The following TLE6 variants were observed in gnomAD, a reference collection of about 807,000 sequenced individuals.
The protein encoded by TLE6 is transducin-like enhancer protein 6.
Under a neutral mutation model 77.1 loss-of-function variants are expected in TLE6, and 72 were observed. The ratio of observed to expected loss-of-function variants is 0.93; its 90% CI spans 0.77 to 1.14. The LOEUF is 1.14. TLE6 is among the 50% of genes most tolerant of loss of function. The pLI is 0.00. For missense variants in TLE6, 843 were observed against 747.6 expected, an observed-to-expected ratio of 1.13 and a Z score of -1.49; for synonymous variants, 366 against 287.3, an observed-to-expected ratio of 1.27 and a Z score of -2.77.
In TLE6 at chr19:2,978,131, T is replaced by C. The variant is rs559109664; in HGVS notation, c.-36-67T>C. On this transcript the variant is annotated intron_variant, in intron 1 of 16. Transcript: ENST00000246112. The stretch of plus-strand genomic sequence containing the variant: ...TGGGAGGTGCGGGTGGGGTAACGGG[T>C]GCCTTGCTTCCCTGGCACTGCCTTA... The C allele has an allele frequency of 4.0e-4, 497 of 1,240,218 alleles. 1 individual carries two copies. Among genetic ancestry groups the C allele is most frequent in the Non-Finnish European group, 4.6e-4 (396 of 869,214 alleles). The allele number at this position is 1,240,218 out of a possible 1,614,324, so 76.8% of individuals were successfully genotyped here.
intron 13 of TLE6, among the ~76,000 whole-genome samples, chr19:2,991,192 T>C (rs1244955635): frequency 6.7e-6 from 1 of 149,976 alleles, no homozygotes; most frequent in African/African-American, 2.5e-5. Context: ...ATACCCCATC[T>C]CTACTAAAAA....
intron 4 of TLE6, 51 bp downstream of exon 4, chr19:2,981,634 C>T (rs2088799909): frequency 6.5e-7 from 1 of 1,537,322 alleles, no homozygotes; most frequent in African/African-American, 1.4e-5. Flanking sequence ...CTGGGACAAG[C>T]TGAGGCCCTG....
At position 2,993,504 on chromosome 19, in the gene TLE6, C is replaced by T; in HGVS notation, c.1459C>T (p.Gln487Ter). The T allele has an allele frequency of 6.3e-7, 1 of 1,597,686 alleles. No homozygotes were observed. The highest frequency in any genetic ancestry group is 8.6e-7 in the Non-Finnish European group (1 of 1,167,854). Residue 487 changes from glutamine to a stop codon, truncating the protein, a stop_gained, in exon 15 of 17, where the codon CAA becomes TAA. Transcript: ENST00000246112. LOFTEE classifies it high-confidence loss of function. ...LGMANGQQWL[Q>*]STSGSQRHMV... The stretch of plus-strand genomic sequence containing the variant: ...CATGGCCAATGGCCAGCAGTGGCTG[C>T]AAAGCACCAGCGGGAGCCAGCGGCA...
At chr19:2,985,067 A>G (rs1051621492) in intron 5 of TLE6, among the ~76,000 whole-genome samples, 2 of 151,786 alleles carry the variant, frequency 1.3e-5, no homozygotes, top group African/African-American at 2.4e-5. Flanking sequence ...CCTGGCCAAC[A>G]TGGAGAAACC....
At chr19:2,992,813 G>GGGGGGGGGGGGGGGC (rs2089106820) in intron 14 of TLE6, among the ~76,000 whole-genome samples, 1 of 44,278 alleles carries the variant, frequency 2.3e-5, no homozygotes, top group Admixed American at 1.6e-4. Context: ...GCGGGTGGGG[G>GGGGGGGGGGGGGGGC]GGGGGGAGGA....
In TLE6 at chr19:2,987,723, G is replaced by A; in HGVS notation, c.559-1G>A. The A allele has an allele frequency of 6.2e-7, 1 of 1,614,170 alleles. No homozygotes were observed. The highest frequency in any genetic ancestry group is 8.5e-7 in the Non-Finnish European group (1 of 1,180,022). The stretch of plus-strand genomic sequence containing the variant: ...CCTGATGAGACTTTTCCATTTTCCA[G>A]GGGCAGGAAAGCAAGGCACCAGGAT... On this transcript the variant is annotated splice_acceptor_variant, in intron 8 of 16. Coordinates refer to ENST00000246112, the MANE Select transcript of TLE6 (RefSeq NM_001143986.2). LOFTEE classifies it high-confidence loss of function.
At position 2,993,425 on chromosome 19, in the gene TLE6, T is replaced by C; in HGVS notation, c.1387-7T>C. ...AGGTTCCTCCCTCCCCACTGCCCAT[T>C]ACCTAGATAATGAGCCTGTCCCACA... is the stretch of plus-strand genomic sequence containing the variant. On this transcript the variant is annotated splice_polypyrimidine_tract_variant and splice_region_variant and intron_variant, in intron 14 of 16. Transcript: ENST00000246112. The C allele has an allele frequency of 1.3e-6, 2 of 1,599,226 alleles. No homozygotes were observed. The highest frequency in any genetic ancestry group is 1.1e-5 in the South Asian group (1 of 90,554).
Position 2,995,012 on chromosome 19 carries a change from C to T in TLE6, c.*8C>T, listed in dbSNP as rs370152123. The stretch of plus-strand genomic sequence containing the variant: ...TACCAGATCACCTACTGAGGGGCCT[C>T]GCTGCTGTCATCCCACTCCGGCTCC... On this transcript the variant is annotated 3_prime_UTR_variant, in exon 17 of 17. Transcript: ENST00000246112. The T allele has an allele frequency of 7.3e-5, 115 of 1,576,726 alleles. No individual in the cohort carries two copies. The highest frequency in any genetic ancestry group is 4.3e-4 in the South Asian group (38 of 87,782).
Position 2,989,656 on chromosome 19 carries a change from A to C in TLE6, c.1115A>C (p.Lys372Thr), listed in dbSNP as rs1568216195. Residue 372 changes from lysine (K) to threonine (T), a missense_variant, in exon 13 of 17, where the codon AAG becomes ACG. Coordinates refer to ENST00000246112, the MANE Select transcript of TLE6 (RefSeq NM_001143986.2). ...WDLAAPSLHVKEQLPCAGLNC... is the reference protein window; with the variant it reads ...WDLAAPSLHVTEQLPCAGLNC... Reference sequence around the variant, plus strand: ...CTGGCGGCGCCCTCCCTGCATGTGAAGGAGCAGTTGCCCTGTGCAGGTCTC... The same window carrying C: ...CTGGCGGCGCCCTCCCTGCATGTGACGGAGCAGTTGCCCTGTGCAGGTCTC... The C allele has an allele frequency of 6.2e-7, 1 of 1,614,246 alleles. No homozygotes were observed. The highest frequency in any genetic ancestry group is 1.7e-5 in the Admixed American group (1 of 60,034).
At chr19:2,990,457 A>G (rs2089019487) in intron 13 of TLE6, among the ~76,000 whole-genome samples, 1 of 150,696 alleles carries the variant, frequency 6.6e-6, no homozygotes. Context: ...CAAAAAAATT[A>G]GCCAGGCGCG....
At position 2,989,404 on chromosome 19, in the gene TLE6, G is replaced by A. The variant is rs994226681; in HGVS notation, c.993+91G>A. 33 of 1,582,062 alleles carry A rather than the reference G, an allele frequency of 2.1e-5. No individual in the cohort carries two copies. In the South Asian group the frequency reaches 3.2e-4, roughly 15 times the overall value. ...TGGCAGAGCCCAGATCGTGGAGAGA[G>A]GGCTTCCAGGGAAAAGGGGCATAAT... On this transcript the variant is annotated intron_variant, in intron 12 of 16. Transcript: ENST00000246112.
chr19:2,992,504 C>T lies in TLE6; in HGVS notation c.1386+520C>T, dbSNP rs901818764. Among the ~76,000 whole-genome samples the T allele has an allele frequency of 1.1e-4, 16 of 151,962 alleles. 1 individual carries two copies. Among genetic ancestry groups the T allele is most frequent in the African/African-American group, 3.1e-4 (13 of 41,360 alleles). On this transcript the variant is annotated intron_variant, in intron 14 of 16. Coordinates refer to ENST00000246112, the MANE Select transcript of TLE6 (RefSeq NM_001143986.2). The stretch of plus-strand genomic sequence containing the variant: ...AAATGAGGTTGGCCAGGCACAGTGG[C>T]GTATGCCTGCAATCCCACCACTTTG...
Position 2,989,781 on chromosome 19 carries a change from G to T in TLE6, c.1240G>T (p.Val414Phe), listed in dbSNP as rs780457906. Reference protein sequence around the residue: ...RIWDLRDQSVVRDLKGYPDGV... With the variant: ...RIWDLRDQSVFRDLKGYPDGV... Reference sequence around the variant, plus strand: ...CTGGGACCTGCGGGATCAGAGTGTGGTCAGGTGCGTTTGGGGGGTGGGAAG... The same window carrying T: ...CTGGGACCTGCGGGATCAGAGTGTGTTCAGGTGCGTTTGGGGGGTGGGAAG... The change falls in exon 13 of 17, where the codon GTC becomes TTC. Residue 414 changes from valine (V) to phenylalanine (F), a missense_variant. Physicochemically the swap from Val to Phe is conservative, Grantham distance 50. Transcript: ENST00000246112. The T allele has an allele frequency of 1.2e-6, 2 of 1,612,662 alleles. No individual in the cohort carries two copies. Among genetic ancestry groups the T allele is most frequent in the Non-Finnish European group, 1.7e-6 (2 of 1,179,032 alleles).
At position 2,992,793 on chromosome 19, in the gene TLE6, AG is replaced by A. The variant is rs1555686685; in HGVS notation, c.1387-632del. Among the ~76,000 whole-genome samples the A allele has an allele frequency of 1.0e-4, 2 of 19,754 alleles. 1 individual carries two copies. Among genetic ancestry groups the A allele is most frequent in the Non-Finnish European group, 1.6e-4 (2 of 12,372 alleles). 13.0% of individuals were successfully genotyped at this position (19,754 alleles called of 152,430 possible). On this transcript the variant is annotated intron_variant, in intron 14 of 16. Transcript: ENST00000246112. ...AGACCCTGTCTCAAAAAAAAAAAAA[AG>A]GGGGGGAGGCGGGTGGGGGGGGGGG...
chr19:2,989,419 A>G, intron 12 of TLE6, 106 bp downstream of exon 12: 1 of 1,575,532 alleles, frequency 6.3e-7, no homozygotes, highest in Non-Finnish European at 8.6e-7. Flanking sequence ...TCCAGGGAAA[A>G]GGGGCATAAT....
intron 5 of TLE6, among the ~76,000 whole-genome samples, chr19:2,985,698 C>A (rs775845888): frequency 2.7e-5 from 4 of 146,778 alleles, no homozygotes; most frequent in Non-Finnish European, 6.0e-5. Context: ...GGATTACAGG[C>A]GTGAGCCACC....
chr19:2,980,129 C>T lies in TLE6; in HGVS notation c.81C>T (p.Ser27=), dbSNP rs1207945307. 2 of 1,550,530 alleles carry T rather than the reference C, an allele frequency of 1.3e-6. No homozygotes were observed. The highest frequency in any genetic ancestry group is 2.0e-5 in the Admixed American group (1 of 50,924). Reference sequence around the variant, plus strand: ...GTCCTGGGATCTCGAACTCTGAGAGCTCTCCGACGCTGAATTATCAGGGCA... The same window carrying T: ...GTCCTGGGATCTCGAACTCTGAGAGTTCTCCGACGCTGAATTATCAGGGCA... The part of the protein sequence containing the change: ...SPCPGISNSE[S]SPTLNYQGIL... Residue 27 remains serine, a synonymous_variant, in exon 3 of 17, where the codon AGC becomes AGT. Coordinates refer to ENST00000246112, the MANE Select transcript of TLE6 (RefSeq NM_001143986.2).
Position 2,982,168 on chromosome 19 carries a change from T to G in TLE6, c.201T>G (p.Asp67Glu). Residue 67 changes from aspartate (D) to glutamate (E), a missense_variant, in exon 5 of 17, where the codon GAT (aspartate) becomes GAG (glutamate). By Grantham distance (45) the Asp-to-Glu change is conservative. Transcript: ENST00000246112. ...IYYSLHKIQQ[D>E]VAEHHKQIGN... ...TGCAGCTGCACAAGATCCAGCAGGA[T>G]GTGGCAGAACATCACAAGCAGGTGG... is the stretch of plus-strand genomic sequence containing the variant. 1 of 1,551,250 alleles carries G rather than the reference T, an allele frequency of 6.4e-7. No individual in the cohort carries two copies. Among genetic ancestry groups the G allele is most frequent in the African/African-American group, 1.4e-5 (1 of 73,000 alleles).
chr19:2,990,648 T>TATAAATACATAA (rs1217755821), intron 13 of TLE6, among the ~76,000 whole-genome samples: 1 of 139,000 alleles, frequency 7.2e-6, no homozygotes, highest in East Asian at 2.0e-4. Flanking sequence ...TAAATATATA[T>TATAAATACATAA]ATAAATACAT....
Sources: gnomAD v4.1 joint callset for allele counts (sites outside exome capture counted in the v4.1 genomes callset) on GRCh38, gnomAD v4.1.1 for gene constraint, MANE v1.5 for transcripts, NCBI Gene and HGNC (gene_info 2026-07-23, HGNC 2026-07-21) for gene names.